Variants in WNT9B observed in about 807,000 individuals in gnomAD.
The protein encoded by WNT9B is Wnt family member 9B.
In WNT9B, 12 loss-of-function variants were observed where a neutral mutation model predicts 30.2. That is an observed-to-expected ratio of 0.40 (90% CI 0.26 to 0.64). The LOEUF is 0.64. WNT9B is among the 30% of genes least tolerant of loss of function. WNT9B has a pLI of 0.42. For synonymous variants in WNT9B, 218 were observed against 216.9 expected, an observed-to-expected ratio of 1.01 and a Z score of -0.05; for missense variants, 442 against 485.2, an observed-to-expected ratio of 0.91 and a Z score of 0.84.
intron 2 of WNT9B, among the ~76,000 whole-genome samples, chr17:46,873,941 A>G (rs1027088150): frequency 6.7e-6 from 1 of 148,620 alleles, no homozygotes; most frequent in Non-Finnish European, 1.5e-5. Context: ...GTGAGCCAAG[A>G]TTGTGTCACT....
intron 1 of WNT9B, among the ~76,000 whole-genome samples, chr17:46,860,875 G>A (rs77711047): frequency 0.024 from 3,724 of 152,066 alleles, 157 homozygotes; most frequent in African/African-American, 0.086. Context: ...TTTATTTTTA[G>A]AGAGATAGGT....
intron 2 of WNT9B, 26 bp from the exon 3 acceptor site, chr17:46,875,075 C>T (rs1167263748): frequency 1.9e-6 from 3 of 1,613,470 alleles, no homozygotes; most frequent in Non-Finnish European, 1.7e-6. Flanking sequence ...TTCCTCCCTC[C>T]CTATGCCCCT....
At chr17:46,842,950 A>C (rs532201121) in intron 1 of WNT9B, among the ~76,000 whole-genome samples, 2 of 152,354 alleles carry the variant, frequency 1.3e-5, no homozygotes, top group South Asian at 4.1e-4. Context: ...CCGAGGTCGC[A>C]GAGGAAGCCA....
chr17:46,869,956 A>G (rs112631369), intron 1 of WNT9B, among the ~76,000 whole-genome samples: 2,215 of 152,166 alleles, frequency 0.015, 61 homozygotes, highest in African/African-American at 0.05. Context: ...CTGAGATCAC[A>G]CCACTGCACT....
At chr17:46,865,400 C>T (rs1427413626) in intron 1 of WNT9B, among the ~76,000 whole-genome samples, 4 of 152,072 alleles carry the variant, frequency 2.6e-5, no homozygotes, top group Non-Finnish European at 5.9e-5. Context: ...TCTTTCCTCT[C>T]TGAGTCAGGG....
At position 46,879,299 on chromosome 17, in the gene WNT9B, C is replaced by A. The variant is rs1012366822; in HGVS notation, c.*2581C>A. Among the ~76,000 whole-genome samples, 1 of 152,150 alleles carries A rather than the reference C, an allele frequency of 6.6e-6. No individual in the cohort carries two copies. Among genetic ancestry groups the A allele is most frequent in the Non-Finnish European group, 1.5e-5 (1 of 68,024 alleles). ...CGGGTCGCTGGGAAGGAGGACAAAC[C>A]TGTATTCCATGACTGGGTCTGTCTC... On this transcript the variant is annotated 3_prime_UTR_variant, in exon 4 of 4. Transcript: ENST00000290015.
At chr17:46,843,042 T>C (rs539024898) in intron 1 of WNT9B, among the ~76,000 whole-genome samples, 1 of 152,336 alleles carries the variant, frequency 6.6e-6, no homozygotes, top group Admixed American at 6.5e-5. Flanking sequence ...GTGACTCCTA[T>C]TGGAGACATG....
downstream of WNT9B, chr17:46,885,308 CA>C: frequency 4.7e-6 from 1 of 214,746 alleles, no homozygotes; most frequent in Non-Finnish European, 8.9e-6. Context: ...GCCTGGCCAG[CA>C]TTTTTTTTTT....
chr17:46,851,652 C>A lies in WNT9B; in HGVS notation c.14C>A (p.Pro5His), dbSNP rs1027704788. MRPP[P>H]ALALAGLCLL... ...GCCGCCAGCACCATGCGCCCCCCGC[C>A]CGCGCTGGCCCTGGCCGGGCTCTGC... The change falls in exon 1 of 4, where the codon CCC (proline) becomes CAC (histidine). Residue 5 changes from proline to histidine, a missense_variant. Pro to His is a moderately conservative substitution (Grantham distance 77). Coordinates refer to ENST00000290015, the MANE Select transcript of WNT9B (RefSeq NM_003396.3). This position sits in a 1 kb window ranked among gnomAD's most constrained non-coding sequence, Gnocchi z 4.3. 2.3e-6 allele frequency: 3 copies of A among 1,284,002 alleles called. No homozygotes were observed. In the African/African-American group the frequency reaches 4.7e-5, roughly 20 times the overall value. The allele number at this position is 1,284,002 out of a possible 1,614,324, so 79.5% of individuals were successfully genotyped here.
At chr17:46,851,433 C>T (rs2084842557), upstream of WNT9B, among the ~76,000 whole-genome samples, 1 of 151,072 alleles carries the variant, frequency 6.6e-6, no homozygotes. This position sits in a 1 kb window ranked among gnomAD's most constrained non-coding sequence, Gnocchi z 4.3. Context: ...GGCGGCTGCC[C>T]CACCCGCGAC....
chr17:46,885,314 T>C (rs1422174422), downstream of WNT9B: 2 of 254,494 alleles, frequency 7.9e-6, no homozygotes, highest in African/African-American at 4.8e-5. Context: ...CCAGCATTTT[T>C]TTTTTTGAGA....
intron 1 of WNT9B, among the ~76,000 whole-genome samples, chr17:46,866,298 G>A (rs972176487): frequency 2.0e-5 from 3 of 152,280 alleles, no homozygotes; most frequent in Middle Eastern, 3.4e-3. Flanking sequence ...TGAACTCCCC[G>A]CTACTGGGAA....
In WNT9B at chr17:46,875,319, G is replaced by A. The variant is rs768024851; in HGVS notation, c.553G>A (p.Asp185Asn). The change falls in exon 3 of 4, where the codon GAC (aspartate) becomes AAC (asparagine). Residue 185 changes from aspartate (D) to asparagine (N), a missense_variant. Physicochemically the swap from Asp to Asn is conservative, Grantham distance 23. Transcript: ENST00000290015. ...NFLGSKRGNK[D>N]LRARADAHNT... is the part of the protein sequence containing the mutation. ...CCTGGGGTCCAAGAGAGGAAACAAG[G>A]ACCTGCGGGCACGGGCAGACGCCCA... is the stretch of plus-strand genomic sequence containing the variant. 2.5e-6 allele frequency: 4 copies of A among 1,613,176 alleles called. No individual in the cohort carries two copies. In the Admixed American group the frequency reaches 5.0e-5, roughly 20 times the overall value.
In WNT9B at chr17:46,867,950, G is replaced by A. The variant is rs548775879; in HGVS notation, c.78-4567G>A. ...GACCACCAAGGACCATGGGGTGAAG[G>A]TGCAGAGAACAGAAGGGCACAGACT... On this transcript the variant is annotated intron_variant, in intron 1 of 3. Coordinates refer to ENST00000290015, the MANE Select transcript of WNT9B (RefSeq NM_003396.3). Among the ~76,000 whole-genome samples the A allele has an allele frequency of 7.2e-5, 11 of 152,296 alleles. No homozygotes were observed. In the South Asian group the frequency reaches 8.3e-4, roughly 11 times the overall value.
chr17:46,884,928 C>T (rs997899114), downstream of WNT9B: 5 of 348,602 alleles, frequency 1.4e-5, no homozygotes, highest in Non-Finnish European at 2.8e-5. Flanking sequence ...AATTTGTGAA[C>T]TCCCCCAACT....
rs116361423 is a variant in WNT9B, at chr17:46,864,326, T to G, written c.78-8191T>G. ...GAACTTCCCACCCACTGCCTCCACA[T>G]CCCCACACCAAGCTCCCCCAACTCC... On this transcript the variant is annotated intron_variant, in intron 1 of 3. Coordinates refer to ENST00000290015, the MANE Select transcript of WNT9B (RefSeq NM_003396.3). 8.5e-3 allele frequency among the ~76,000 whole-genome samples: 1,291 copies of G among 152,180 alleles called. 18 individuals carry two copies. The highest frequency in any genetic ancestry group is 0.029 in the African/African-American group (1,208 of 41,518).
At position 46,876,786 on chromosome 17, in the gene WNT9B, C is replaced by T. The variant is rs912315713; in HGVS notation, c.*68C>T. On this transcript the variant is annotated 3_prime_UTR_variant, in exon 4 of 4. Coordinates refer to ENST00000290015, the MANE Select transcript of WNT9B (RefSeq NM_003396.3). Reference sequence around the variant, plus strand: ...TGTGGCACCCTTCAAGCTGCCCAGCCGGCCCTCTGGGCAGACTGTCATCAC... The same window carrying T: ...TGTGGCACCCTTCAAGCTGCCCAGCTGGCCCTCTGGGCAGACTGTCATCAC... 69 of 1,470,848 alleles carry T rather than the reference C, an allele frequency of 4.7e-5. No individual in the cohort carries two copies. The African/African-American group carries it at 5.1e-4, about 11-fold the overall frequency. 91.1% of individuals were successfully genotyped at this position (1,470,848 alleles called of 1,614,324 possible).
chr17:46,883,861 C>G (rs900822567), downstream of WNT9B, among the ~76,000 whole-genome samples: 6 of 152,214 alleles, frequency 3.9e-5, no homozygotes, highest in African/African-American at 1.4e-4. Flanking sequence ...ATGCCTCTCA[C>G]GCGTCTTATC....
At chr17:46,836,346 T>G (rs1273840147) in intron 1 of WNT9B, among the ~76,000 whole-genome samples, 1 of 152,166 alleles carries the variant, frequency 6.6e-6, no homozygotes, top group Non-Finnish European at 1.5e-5. Context: ...ACTTCATTCA[T>G]GAAGCCTGGT....
Sources: allele counts gnomAD v4.1 joint callset (sites outside exome capture counted in the v4.1 genomes callset), GRCh38; gene constraint gnomAD v4.1.1; non-coding constraint Gnocchi (gnomAD v3.1); transcripts MANE v1.5; gene names NCBI Gene and HGNC (gene_info 2026-07-23, HGNC 2026-07-21).